The following TRHDE variants were observed in gnomAD, a reference collection of about 807,000 sequenced individuals.
The protein encoded by TRHDE is thyrotropin-releasing hormone-degrading ectoenzyme.
In TRHDE, 72 loss-of-function variants were observed where a neutral mutation model predicts 125.7. The ratio of observed to expected loss-of-function variants is 0.57; its 90% CI spans 0.47 to 0.70. The LOEUF is 0.70. TRHDE is among the 30% of genes least tolerant of loss of function. The probability of loss-of-function intolerance (pLI) is 0.00; values close to 1 mark genes in which losing one functional copy is unlikely to be tolerated. For synonymous variants in TRHDE, 509 were observed against 509.1 expected (o/e 1.00, Z 0.00); for missense variants, 1,110 against 1,327.1 (o/e 0.84, Z 2.54).
chr12:72,363,738 C>T (rs1204186489), intron 2 of TRHDE, among the ~76,000 whole-genome samples: 1 of 152,038 alleles, frequency 6.6e-6, no homozygotes, highest in Non-Finnish European at 1.5e-5. Context: ...TCTCACCACT[C>T]CTATTCAACA....
chr12:72,351,034 G>A (rs1289947277), intron 2 of TRHDE, among the ~76,000 whole-genome samples: 2 of 151,978 alleles, frequency 1.3e-5, no homozygotes, highest in African/African-American at 4.8e-5. Flanking sequence ...TTGAGTTTCT[G>A]TCATACACAC....
At chr12:72,502,204 T>G (rs1227111120) in intron 6 of TRHDE, among the ~76,000 whole-genome samples, 1 of 152,082 alleles carries the variant, frequency 6.6e-6, no homozygotes, top group African/African-American at 2.4e-5. Flanking sequence ...TACTTTGAAT[T>G]TAAATTCTTC....
chr12:72,531,953 A>G (rs1868578771), intron 6 of TRHDE, among the ~76,000 whole-genome samples: 2 of 152,086 alleles, frequency 1.3e-5, no homozygotes, highest in South Asian at 2.1e-4. Context: ...TTGCTAATCC[A>G]TGTGAATTTT....
At chr12:72,244,751 T>C (rs1878543738) in intron 2 of TRHDE, among the ~76,000 whole-genome samples, 2 of 151,986 alleles carry the variant, frequency 1.3e-5, no homozygotes, top group South Asian at 4.1e-4. Context: ...AATTCTTTGG[T>C]GATGGGGAAA....
chr12:72,257,998 G>A (rs1337483007), intron 2 of TRHDE: 1 of 152,102 alleles, frequency 6.6e-6, no homozygotes, highest in East Asian at 1.9e-4. Context: ...AAGAGGAAAA[G>A]GGAGGAGAGA....
chr12:72,421,022 G>T (rs1448822896), intron 3 of TRHDE, among the ~76,000 whole-genome samples: 1 of 151,210 alleles, frequency 6.6e-6, no homozygotes, highest in African/African-American at 2.4e-5. Context: ...AGGCTGGAGT[G>T]CAGTGGCGCG....
At chr12:72,131,263 G>C (rs551207985) in intron 2 of TRHDE, among the ~76,000 whole-genome samples, 1 of 151,484 alleles carries the variant, frequency 6.6e-6, no homozygotes, top group African/African-American at 2.4e-5. Context: ...TAGTAGAGAC[G>C]GGGTTTCACC....
intron 2 of TRHDE, among the ~76,000 whole-genome samples, chr12:72,134,607 GTA>G (rs1418323165): frequency 4.6e-5 from 7 of 151,872 alleles, no homozygotes; most frequent in Non-Finnish European, 8.8e-5. Context: ...TCTTCAAATT[GTA>G]TAAGCTGTAG....
At chr12:72,583,873 A>C in intron 12 of TRHDE, among the ~76,000 whole-genome samples, 1 of 152,042 alleles carries the variant, frequency 6.6e-6, no homozygotes, top group East Asian at 1.9e-4. Context: ...TGAGAAGTAC[A>C]AATCTCCTGA....
rs1014670669 is a variant in TRHDE at position 72,446,099 on chromosome 12, G to A, written c.1316-23659G>A. ...TTACATGTGAATCACCTGGGGACCT[G>A]TCAAAATCCAAATATCGATTCAGTG... On this transcript the variant is annotated intron_variant, in intron 3 of 18. Coordinates refer to ENST00000261180, the MANE Select transcript of TRHDE (RefSeq NM_013381.3). Among the ~76,000 whole-genome samples, 27 of 149,918 alleles carry A rather than the reference G, an allele frequency of 1.8e-4. 1 individual carries two copies. Among genetic ancestry groups the A allele is most frequent in the Admixed American group, 1.2e-3 (18 of 15,034 alleles).
intron 15 of TRHDE, among the ~76,000 whole-genome samples, chr12:72,643,863 AT>A (rs1874169061): frequency 6.6e-6 from 1 of 152,164 alleles, no homozygotes; most frequent in Admixed American, 6.5e-5. Flanking sequence ...TAAACTGTGG[AT>A]TTTTAAAAAA....
intron 3 of TRHDE, among the ~76,000 whole-genome samples, chr12:72,428,948 T>C (rs905099294): frequency 2.6e-5 from 4 of 152,116 alleles, no homozygotes; most frequent in African/African-American, 9.7e-5. Flanking sequence ...TCCTTATGGC[T>C]AAAATTCCAT....
At chr12:72,337,737 T>C (rs140099264) in intron 2 of TRHDE, among the ~76,000 whole-genome samples, 104 of 152,266 alleles carry the variant, frequency 6.8e-4, no homozygotes, top group African/African-American at 2.5e-3. Context: ...TTTGCTGGTC[T>C]AGATTCACTG....
intron 18 of TRHDE, among the ~76,000 whole-genome samples, 177 bp from the exon 19 acceptor site, chr12:72,662,875 T>C (rs1248065533): frequency 6.6e-6 from 1 of 152,134 alleles, no homozygotes; most frequent in Non-Finnish European, 1.5e-5. Context: ...ATCTGTCATA[T>C]TTCATTCAGT....
Position 72,469,771 on chromosome 12 carries a change from G to A in TRHDE, c.1329G>A (p.Val443=), listed in dbSNP as rs777370813. 1 of 1,613,964 alleles carries A rather than the reference G, an allele frequency of 6.2e-7. No homozygotes were observed. Among genetic ancestry groups the A allele is most frequent in the East Asian group, 2.2e-5 (1 of 44,858 alleles). Residue 443 remains valine (V), a synonymous_variant, in exon 4 of 19, where the codon GTG becomes GTA. Transcript: ENST00000261180. ...YSLPKLDLLA[V]PKHPYAAMEN... Reference sequence around the variant, plus strand: ...TTTTATTTCTAGATCTTTTAGCTGTGCCTAAGCATCCGTATGCTGCTATGG... The same window carrying A: ...TTTTATTTCTAGATCTTTTAGCTGTACCTAAGCATCCGTATGCTGCTATGG...
At chr12:72,249,494 C>T (rs1202921072) in intron 2 of TRHDE, among the ~76,000 whole-genome samples, 1 of 152,046 alleles carries the variant, frequency 6.6e-6, no homozygotes, top group Non-Finnish European at 1.5e-5. Flanking sequence ...TCAGATCAGC[C>T]TGGGAAATAT....
chr12:72,272,638 G>A lies in TRHDE; in HGVS notation c.-6G>A. ...AGGGGGCGGGGGAGGAGGAGGAGGCGGTGTGATGGCCCTGGACGGCGAGCT... is the reference window on the plus strand; with the variant it reads ...AGGGGGCGGGGGAGGAGGAGGAGGCAGTGTGATGGCCCTGGACGGCGAGCT... On this transcript the variant is annotated 5_prime_UTR_variant, in exon 1 of 19. Coordinates refer to ENST00000261180, the MANE Select transcript of TRHDE (RefSeq NM_013381.3). This position sits in a 1 kb window ranked among gnomAD's most constrained non-coding sequence, Gnocchi z 6.7. The A allele has an allele frequency of 3.0e-6, 3 of 1,014,356 alleles. No homozygotes were observed. Among genetic ancestry groups the A allele is most frequent in the Admixed American group, 3.0e-5 (1 of 33,162 alleles). The allele number at this position is 1,014,356 out of a possible 1,614,324, so 62.8% of individuals were successfully genotyped here.
At chr12:72,226,651 A>C (rs773692404) in intron 2 of TRHDE, among the ~76,000 whole-genome samples, 3 of 152,222 alleles carry the variant, frequency 2.0e-5, no homozygotes, top group Non-Finnish European at 4.4e-5. Flanking sequence ...TATTTGACTT[A>C]CTGCAATGAA....
intron 2 of TRHDE, among the ~76,000 whole-genome samples, chr12:72,163,370 A>T (rs868602871): frequency 2.0e-5 from 3 of 152,184 alleles, no homozygotes; most frequent in Non-Finnish European, 4.4e-5. Context: ...CTCTTCTTGC[A>T]GTATCTTTAC....
Sources: allele counts gnomAD v4.1 joint callset (sites outside exome capture counted in the v4.1 genomes callset), GRCh38; gene constraint gnomAD v4.1.1; non-coding constraint Gnocchi (gnomAD v3.1); transcripts MANE v1.5; gene names NCBI Gene and HGNC (gene_info 2026-07-23, HGNC 2026-07-21).